The following NRG1 variants were observed in gnomAD, a reference collection of about 807,000 sequenced individuals.
The protein encoded by NRG1 is neuregulin 1.
Under a neutral mutation model 63.8 loss-of-function variants are expected in NRG1, and 18 were observed. The observed-to-expected ratio is 0.28, with a 90% CI of 0.19 to 0.42. NRG1 has a LOEUF of 0.42. Among genes scored for constraint, NRG1 ranks in the 10% least tolerant of loss-of-function variants. The pLI is 1.00. For synonymous variants in NRG1, 302 were observed against 301.3 expected, an observed-to-expected ratio of 1.00 and a Z score of -0.02; for missense variants, 762 against 814.7, an observed-to-expected ratio of 0.94 and a Z score of 0.79.
At chr8:32,385,951 A>G (rs565612505) in intron 1 of NRG1, among the ~76,000 whole-genome samples, 1 of 152,256 alleles carries the variant, frequency 6.6e-6, no homozygotes, top group Admixed American at 6.5e-5. Context: ...AACGTCATTC[A>G]TTCAAATCAC....
At chr8:32,669,796 G>A (rs1248506082) in intron 5 of NRG1, among the ~76,000 whole-genome samples, 3 of 152,146 alleles carry the variant, frequency 2.0e-5, no homozygotes, top group African/African-American at 7.2e-5. Flanking sequence ...GAGTTTCCTA[G>A]CCAGACTGGA....
chr8:31,733,603 T>A (rs1299292578), intron 1 of NRG1, among the ~76,000 whole-genome samples: 3 of 152,166 alleles, frequency 2.0e-5, no homozygotes, highest in Non-Finnish European at 4.4e-5. Flanking sequence ...GCTCTTGTTC[T>A]CTTTCATCTC....
chr8:31,923,275 T>C (rs1834063708), intron 1 of NRG1, among the ~76,000 whole-genome samples: 1 of 152,194 alleles, frequency 6.6e-6, no homozygotes, highest in East Asian at 1.9e-4. Context: ...GTATAGGTTT[T>C]CCTTTATTCT....
Position 32,659,348 on chromosome 8 carries a change from A to G in NRG1, c.502+42463A>G, listed in dbSNP as rs184268095. ...TTTTTATTAGAGACAGGGTTTCACC[A>G]TGTTGGCCAGGCTGGCCTTGAACTC... On this transcript the variant is annotated intron_variant, in intron 5 of 11. Coordinates refer to ENST00000356819, the Ensembl canonical transcript of NRG1. Among the ~76,000 whole-genome samples, 534 of 152,082 alleles carry G rather than the reference A, an allele frequency of 3.5e-3. 5 individuals carry two copies. The highest frequency in any genetic ancestry group is 0.012 in the African/African-American group (505 of 41,514).
intron 1 of NRG1, among the ~76,000 whole-genome samples, chr8:32,210,796 T>C (rs1388384312): frequency 1.3e-5 from 2 of 152,214 alleles, no homozygotes; most frequent in Non-Finnish European, 2.9e-5. Flanking sequence ...TGCTGATACT[T>C]GTTGGGCTTA....
At chr8:32,025,593 A>G (rs1817127795) in intron 1 of NRG1, among the ~76,000 whole-genome samples, 1 of 152,224 alleles carries the variant, frequency 6.6e-6, no homozygotes, top group African/African-American at 2.4e-5. Flanking sequence ...GTTAACTTGA[A>G]AAACATGGAA....
intron 1 of NRG1, among the ~76,000 whole-genome samples, chr8:31,831,701 C>T (rs1310905971): frequency 6.6e-6 from 1 of 152,118 alleles, no homozygotes; most frequent in Non-Finnish European, 1.5e-5. Context: ...AATCTTTTCC[C>T]AGTGGGAAGG....
chr8:32,576,300 T>G (rs1839621726), intron 1 of NRG1, among the ~76,000 whole-genome samples: 1 of 152,306 alleles, frequency 6.6e-6, no homozygotes, highest in South Asian at 2.1e-4. Context: ...TTTGGAATAT[T>G]TGATTCTCTT....
At chr8:31,658,983 G>T (rs1391562408) in intron 1 of NRG1, among the ~76,000 whole-genome samples, 1 of 152,190 alleles carries the variant, frequency 6.6e-6, no homozygotes, top group East Asian at 1.9e-4. Context: ...GCTGTGGTTT[G>T]TCGGTCTGCA....
chr8:32,669,253 A>G (rs1169058408), intron 5 of NRG1, among the ~76,000 whole-genome samples: 3 of 152,210 alleles, frequency 2.0e-5, no homozygotes, highest in Admixed American at 6.5e-5. Context: ...TAAAGCATGT[A>G]TACCTCATGA....
intron 1 of NRG1, among the ~76,000 whole-genome samples, chr8:31,909,433 A>C (rs1267604329): frequency 6.6e-6 from 1 of 152,066 alleles, no homozygotes; most frequent in African/African-American, 2.4e-5. Context: ...TTCCATGCTG[A>C]TGCATGGAAG....
chr8:32,352,948 GTA>G (rs546280120), intron 1 of NRG1, among the ~76,000 whole-genome samples: 16 of 116,420 alleles, frequency 1.4e-4, no homozygotes, highest in South Asian at 1.3e-3. Flanking sequence ...ATGTGTGTGT[GTA>G]TATATATATA....
intron 1 of NRG1, among the ~76,000 whole-genome samples, chr8:32,484,822 T>A (rs1316774198): frequency 6.6e-6 from 1 of 152,182 alleles, no homozygotes; most frequent in East Asian, 1.9e-4. Flanking sequence ...GTTTAGAGAA[T>A]AATGATGCTT....
At chr8:32,691,906 T>G (rs1456267478) in intron 5 of NRG1, among the ~76,000 whole-genome samples, 4 of 152,200 alleles carry the variant, frequency 2.6e-5, no homozygotes, top group African/African-American at 9.6e-5. Context: ...TATCTTGTTT[T>G]CCCTAAAGAA....
chr8:32,511,367 GTATATATATATATATA>G (rs202038797), intron 1 of NRG1, among the ~76,000 whole-genome samples: 3 of 122,078 alleles, frequency 2.5e-5, no homozygotes, highest in African/African-American at 6.2e-5. Flanking sequence ...ATATATATGT[GTATATATATATATATA>G]TATATATATA....
chr8:32,637,341 G>T lies in NRG1; in HGVS notation c.502+20456G>T, dbSNP rs531002184. ...TTACATTGTTTAAGAGAACATGTAG[G>T]TCATGGATTATGCTATCAAATAGAA... On this transcript the variant is annotated intron_variant, in intron 5 of 11. Transcript: ENST00000356819. Among the ~76,000 whole-genome samples, 19 of 152,216 alleles carry T rather than the reference G, an allele frequency of 1.2e-4. 1 individual carries two copies. The South Asian group carries it at 3.9e-3, about 32-fold the overall frequency.
chr8:32,015,301 C>T (rs898270214), intron 1 of NRG1, among the ~76,000 whole-genome samples: 1 of 152,132 alleles, frequency 6.6e-6, no homozygotes, highest in African/African-American at 2.4e-5. Flanking sequence ...ACAGAAACAT[C>T]GTAACAGGAA....
At chr8:32,088,376 A>G (rs1469111894) in intron 1 of NRG1, among the ~76,000 whole-genome samples, 1 of 152,208 alleles carries the variant, frequency 6.6e-6, no homozygotes, top group Non-Finnish European at 1.5e-5. Context: ...ATGGGTAAAC[A>G]TTGTGGAAAG....
intron 1 of NRG1, among the ~76,000 whole-genome samples, chr8:32,008,378 T>C (rs1404598003): frequency 6.6e-6 from 1 of 151,932 alleles, no homozygotes; most frequent in East Asian, 1.9e-4. Flanking sequence ...TTCAAACAAG[T>C]TTAATTATAA....
Sources: gnomAD v4.1 joint callset for allele counts (sites outside exome capture counted in the v4.1 genomes callset) on GRCh38, gnomAD v4.1.1 for gene constraint, MANE v1.5 for transcripts, NCBI Gene and HGNC (gene_info 2026-07-23, HGNC 2026-07-21) for gene names.